Variants in RHAG observed in about 807,000 individuals in gnomAD.
RHAG encodes ammonium transporter Rh type A.
Under a neutral mutation model 42.4 loss-of-function variants are expected in RHAG, and 25 were observed. The observed-to-expected ratio is 0.59, with a 90% CI of 0.43 to 0.82. The LOEUF (loss-of-function observed/expected upper bound fraction) is 0.82, where lower values mean the gene tolerates loss of function less well. RHAG is among the 40% of genes least tolerant of loss of function. The pLI is 0.00. For synonymous variants in RHAG, 182 were observed against 177.7 expected (o/e 1.02, Z -0.19); for missense variants, 483 against 504.6 (o/e 0.96, Z 0.41).
chr6:49,636,708 C>T lies in RHAG; in HGVS notation c.105G>A (p.Gln35=). Residue 35 remains glutamine, a synonymous_variant, in exon 1 of 10, where the codon CAG becomes CAA. Transcript: ENST00000371175. ...TGTCTGTTGGCTTGGTGATGTTGAG[C>T]TGCTCGAGAACAGTCTGGTCCGTTT... ...EYETDQTVLE[Q]LNITKPTDMG... 4 of 1,613,976 alleles carry T rather than the reference C, an allele frequency of 2.5e-6. No individual in the cohort carries two copies. The highest frequency in any genetic ancestry group is 3.4e-6 in the Non-Finnish European group (4 of 1,179,866).
chr6:49,633,414 T>C (rs191713067), intron 1 of RHAG, among the ~76,000 whole-genome samples: 68 of 152,296 alleles, frequency 4.5e-4, no homozygotes, highest in African/African-American at 1.6e-3. Flanking sequence ...ATAAACTTTG[T>C]GTAAGTCAAT....
Position 49,605,581 on chromosome 6 carries a change from C to T in RHAG, c.*232G>A. 1.6e-6 allele frequency: 1 copy of T among 613,722 alleles called. No individual in the cohort carries two copies. Among genetic ancestry groups the T allele is most frequent in the South Asian group, 1.8e-5 (1 of 56,786 alleles). The allele number at this position is 613,722 out of a possible 1,614,324, so 38.0% of individuals were successfully genotyped here. On this transcript the variant is annotated 3_prime_UTR_variant, in exon 10 of 10. Transcript: ENST00000371175. Reference sequence around the variant, plus strand: ...ATCTGTTTTATGAGTAACATCCCCTCAATTAATCATTGAAGAGCAAGAGAC... The same window carrying T: ...ATCTGTTTTATGAGTAACATCCCCTTAATTAATCATTGAAGAGCAAGAGAC...
At chr6:49,630,339 T>C (rs970247557) in intron 1 of RHAG, among the ~76,000 whole-genome samples, 1 of 152,226 alleles carries the variant, frequency 6.6e-6, no homozygotes, top group African/African-American at 2.4e-5. Flanking sequence ...AGTCTGAAGA[T>C]AGGAGTCATT....
At chr6:49,632,127 T>C (rs770760558) in intron 1 of RHAG, 4 of 152,192 alleles carry the variant, frequency 2.6e-5, no homozygotes, top group Non-Finnish European at 5.9e-5. Context: ...GCCTTTTGTG[T>C]ATGACATGTC....
rs1018124783 is a variant in RHAG, at chr6:49,615,718, G to C, written c.546C>G (p.Gly182=). Residue 182 remains glycine (G), a synonymous_variant, in exon 4 of 10, where the codon GGC becomes GGG. Coordinates refer to ENST00000371175, the MANE Select transcript of RHAG (RefSeq NM_000324.3). Reference sequence around the variant, plus strand: ...GATACAAGATGCCTGCTACAGCCAAGCCAAAGTAGGCCCCAAAGGCATGGA... The same window carrying C: ...GATACAAGATGCCTGCTACAGCCAACCCAAAGTAGGCCCCAAAGGCATGGA... The part of the protein sequence containing the change: ...MTIHAFGAYF[G]LAVAGILYRS... 2 of 1,614,122 alleles carry C rather than the reference G, an allele frequency of 1.2e-6. No individual in the cohort carries two copies.
In RHAG at chr6:49,636,719, C is replaced by A; in HGVS notation, c.94G>T (p.Val32Phe). Residue 32 changes from valine (V) to phenylalanine (F), a missense_variant, in exon 1 of 10, where the codon GTT becomes TTT. Physicochemically the swap from Val to Phe is conservative, Grantham distance 50. Transcript: ENST00000371175. ...LFVEYETDQT[V>F]LEQLNITKPT... ...TTGGTGATGTTGAGCTGCTCGAGAA[C>A]AGTCTGGTCCGTTTCATACTCAACA... 6.2e-7 allele frequency: 1 copy of A among 1,613,952 alleles called. No homozygotes were observed. The highest frequency in any genetic ancestry group is 8.5e-7 in the Non-Finnish European group (1 of 1,179,848).
chr6:49,624,622 G>A lies in RHAG; in HGVS notation c.158-5260C>T, dbSNP rs141471863. Among the ~76,000 whole-genome samples the A allele has an allele frequency of 3.3e-3, 502 of 152,302 alleles. 3 individuals are homozygous for A. Among genetic ancestry groups the A allele is most frequent in the African/African-American group, 0.012 (482 of 41,564 alleles). ...AGCTGTGTGTCTTTGGATAACCAGT[G>A]ATTTCCTCATCTGTAAAATGGGACT... On this transcript the variant is annotated intron_variant, in intron 1 of 9. Transcript: ENST00000371175.
chr6:49,607,608 A>G (rs748266937), intron 7 of RHAG, among the ~76,000 whole-genome samples: 12 of 152,242 alleles, frequency 7.9e-5, no homozygotes, highest in Non-Finnish European at 1.5e-4. Context: ...AACATGAGCT[A>G]CTAAAGCTAA....
rs1265114538 is a variant in RHAG, at chr6:49,605,677, C to G, written c.*136G>C. On this transcript the variant is annotated 3_prime_UTR_variant, in exon 10 of 10. Coordinates refer to ENST00000371175, the MANE Select transcript of RHAG (RefSeq NM_000324.3). ...GGATCTATTCACTCTGGTCCATACT[C>G]TCTTTGGTTACTCCCTTTTTGTTTA... The G allele has an allele frequency of 4.7e-6, 4 of 848,946 alleles. No homozygotes were observed. The East Asian group carries it at 9.8e-5, about 21-fold the overall frequency. 52.6% of individuals were successfully genotyped at this position (848,946 alleles called of 1,614,324 possible). A position where few individuals can be genotyped will look rare whatever the true frequency, so the allele number is the denominator to read the frequency against.
chr6:49,615,910 A>G, intron 3 of RHAG, 139 bp from the exon 4 acceptor site: 1 of 848,590 alleles, frequency 1.2e-6, no homozygotes, highest in Non-Finnish European at 1.9e-6. Flanking sequence ...TGTCAGAGAA[A>G]GGGGGGTAAA....
chr6:49,621,616 G>T (rs2127354754), intron 1 of RHAG, among the ~76,000 whole-genome samples: 1 of 152,252 alleles, frequency 6.6e-6, no homozygotes, highest in South Asian at 2.1e-4. Context: ...GCTTTTTGAA[G>T]TAGAGATAAT....
In RHAG at chr6:49,605,719, G is replaced by C. The variant is rs559879370; in HGVS notation, c.*94C>G. 142 of 1,159,542 alleles carry C rather than the reference G, an allele frequency of 1.2e-4. No individual in the cohort carries two copies. The Middle Eastern group carries it at 1.4e-3, about 11-fold the overall frequency. The allele number at this position is 1,159,542 out of a possible 1,614,324, so 71.8% of individuals were successfully genotyped here. On this transcript the variant is annotated 3_prime_UTR_variant, in exon 10 of 10. Transcript: ENST00000371175. ...TTTTGTTTATTTGGACTTGATTCTG[G>C]ATAATGGGAAAGGAAGCTGGAGAGC...
chr6:49,634,575 C>A (rs1249043155), intron 1 of RHAG, among the ~76,000 whole-genome samples: 1 of 151,920 alleles, frequency 6.6e-6, no homozygotes, highest in Non-Finnish European at 1.5e-5. Flanking sequence ...AAGTATCCAT[C>A]AGTGGATGAA....
intron 5 of RHAG, among the ~76,000 whole-genome samples, chr6:49,614,194 T>C (rs1242927231): frequency 6.7e-6 from 1 of 149,456 alleles, no homozygotes; most frequent in Non-Finnish European, 1.5e-5. Flanking sequence ...TTTTTTTTCT[T>C]TTTTTTTTTC....
intron 1 of RHAG, among the ~76,000 whole-genome samples, chr6:49,621,880 G>A (rs1010652799): frequency 5.3e-5 from 8 of 152,076 alleles, no homozygotes; most frequent in African/African-American, 1.7e-4. Flanking sequence ...GAGACACAGA[G>A]AAGTTAGGTT....
Position 49,607,192 on chromosome 6 carries a change from C to A in RHAG, c.1096G>T (p.Gly366Cys), listed in dbSNP as rs1427379014. 1.9e-6 allele frequency: 3 copies of A among 1,613,660 alleles called. No homozygotes were observed. The highest frequency in any genetic ancestry group is 2.2e-5 in the South Asian group (2 of 91,002). ...TSMAMQAAAL[G>C]SSIGTAVVGG... ...ACAACTGCTGTTCCGATAGAGGAAC[C>A]CAGTGCAGCTGCCTGCATGGCCATA... The change falls in exon 8 of 10, where the codon GGT becomes TGT. Residue 366 changes from glycine to cysteine, a missense_variant. Coordinates refer to ENST00000371175, the MANE Select transcript of RHAG (RefSeq NM_000324.3).
At chr6:49,608,199 G>A (rs1286367753) in intron 7 of RHAG, among the ~76,000 whole-genome samples, 1 of 152,080 alleles carries the variant, frequency 6.6e-6, no homozygotes, top group Non-Finnish European at 1.5e-5. Context: ...TTAGGGATCC[G>A]TTTATGTGAG....
At chr6:49,615,865 C>T in intron 3 of RHAG, 94 bp from the exon 4 acceptor site, 1 of 1,301,554 alleles carries the variant, frequency 7.7e-7, no homozygotes, top group Non-Finnish European at 1.1e-6. Flanking sequence ...GTTGGTTAAA[C>T]AACTTAAAAA....
chr6:49,626,235 G>C (rs1477579443), intron 1 of RHAG, among the ~76,000 whole-genome samples: 1 of 152,150 alleles, frequency 6.6e-6, no homozygotes, highest in African/African-American at 2.4e-5. Flanking sequence ...GACAAGGCAA[G>C]TCCCTTCCAC....
Sources: gnomAD v4.1 joint callset for allele counts (sites outside exome capture counted in the v4.1 genomes callset) on GRCh38, gnomAD v4.1.1 for gene constraint, MANE v1.5 for transcripts, NCBI Gene and HGNC (gene_info 2026-07-23, HGNC 2026-07-21) for gene names.